NAT1: variants seen among roughly 807,000 people sequenced by gnomAD.
NAT1 encodes N-acetyltransferase 1, also known as arylamine N-acetyltransferase 1.
For missense variants in NAT1, 400 were observed against 339.2 expected, an observed-to-expected ratio of 1.18 and a Z score of -1.41; for synonymous variants, 144 against 122.6, an observed-to-expected ratio of 1.17 and a Z score of -1.16.
chr8:18,180,620 A>G (rs151010359), intron 2 of NAT1, among the ~76,000 whole-genome samples: 70 of 152,316 alleles, frequency 4.6e-4, no homozygotes, highest in African/African-American at 1.7e-3. Context: ...ATATTAAGAT[A>G]TGATATAGTA....
At chr8:18,190,934 G>A in intron 2 of NAT1, among the ~76,000 whole-genome samples, 1 of 151,870 alleles carries the variant, frequency 6.6e-6, no homozygotes, top group Non-Finnish European at 1.5e-5. Flanking sequence ...GGGTGTGGTG[G>A]CACATGCCTG....
intron 1 of NAT1, among the ~76,000 whole-genome samples, chr8:18,210,707 C>T (rs1014376011): frequency 1.3e-5 from 2 of 152,174 alleles, no homozygotes; most frequent in Admixed American, 6.5e-5. Context: ...GATAAAAAGC[C>T]CCTAATGATC....
chr8:18,179,983 A>G (rs1802447965), intron 2 of NAT1, among the ~76,000 whole-genome samples: 2 of 152,186 alleles, frequency 1.3e-5, no homozygotes, highest in African/African-American at 4.8e-5. Flanking sequence ...CAAATTACAG[A>G]CTAGGCAGAG....
chr8:18,221,903 T>G, intron 2 of NAT1, 139 bp from the exon 3 acceptor site: 2 of 917,406 alleles, frequency 2.2e-6, no homozygotes, highest in South Asian at 1.9e-5. Flanking sequence ...AAGGAATTCA[T>G]ACAATGAAAG....
chr8:18,210,301 G>A (rs939919889), intron 1 of NAT1, 121 bp downstream of exon 1: 6 of 152,284 alleles, frequency 3.9e-5, no homozygotes, highest in Middle Eastern at 3.4e-3. Flanking sequence ...CAGAAAGTGT[G>A]GCTGGCACAT....
intron 2 of NAT1, among the ~76,000 whole-genome samples, chr8:18,180,544 G>C (rs1235592261): frequency 6.6e-6 from 1 of 152,038 alleles, no homozygotes; most frequent in Non-Finnish European, 1.5e-5. Flanking sequence ...ATTTGGCTTT[G>C]ATACTAGAAT....
At chr8:18,221,996 G>A in intron 2 of NAT1, 46 bp from the exon 3 acceptor site, 1 of 1,552,408 alleles carries the variant, frequency 6.4e-7, no homozygotes, top group Non-Finnish European at 8.7e-7. Flanking sequence ...TCAAATCCAA[G>A]TGTAAAAGTA....
At chr8:18,213,532 C>T (rs1350069787) in intron 1 of NAT1, among the ~76,000 whole-genome samples, 1 of 152,080 alleles carries the variant, frequency 6.6e-6, no homozygotes, top group African/African-American at 2.4e-5. Context: ...TAACCTCTAA[C>T]TAGGGACTTT....
At chr8:18,205,495 A>G (rs1356169263), upstream of NAT1, among the ~76,000 whole-genome samples, 1 of 152,118 alleles carries the variant, frequency 6.6e-6, no homozygotes, top group Non-Finnish European at 1.5e-5. Context: ...AGAGTGGGGC[A>G]CTGGCGGGGG....
At chr8:18,204,221 A>G (rs1374347068) in intron 2 of NAT1, among the ~76,000 whole-genome samples, 2 of 151,484 alleles carry the variant, frequency 1.3e-5, no homozygotes, top group South Asian at 4.2e-4. Context: ...TTTTCTGTCT[A>G]TTAAACTTTC....
At chr8:18,205,832 G>T (rs191867249), upstream of NAT1, among the ~76,000 whole-genome samples, 49 of 152,274 alleles carry the variant, frequency 3.2e-4, no homozygotes, top group African/African-American at 1.1e-3. Flanking sequence ...CTCCCAGGGC[G>T]CTGCAAGCAG....
Position 18,222,888 on chromosome 8 carries a change from C to T in NAT1, c.841C>T (p.Pro281Ser). 6.4e-7 allele frequency: 1 copy of T among 1,572,646 alleles called. No individual in the cohort carries two copies. The highest frequency in any genetic ancestry group is 8.6e-7 in the Non-Finnish European group (1 of 1,165,790). Residue 281 changes from proline to serine, a missense_variant, in exon 3 of 3, where the codon CCC (proline) becomes TCC (serine). Transcript: ENST00000307719. The stretch of plus-strand genomic sequence containing the variant: ...TATTTCCTTGCAGAGAAAGCTTGTG[C>T]CCAAACATGGTGATAGATTTTTTAC... ...FNISLQRKLV[P>S]KHGDRFFTI
In NAT1 at chr8:18,172,163, A is replaced by G. The variant is rs931649869; in HGVS notation, n.92+1424A>G. 2.0e-5 allele frequency among the ~76,000 whole-genome samples: 3 copies of G among 152,304 alleles called. No individual in the cohort carries two copies. The East Asian group carries it at 5.8e-4, about 29-fold the overall frequency. On this transcript the variant is annotated intron_variant and non_coding_transcript_variant, in intron 2 of 4. Transcript: ENST00000517441. ...CTTGTGTTGATTTATAAGATTCTCC[A>G]TTAGCTAATCGGGAGTTAATGCTTT...
chr8:18,201,796 T>C (rs936099268), intron 2 of NAT1, among the ~76,000 whole-genome samples: 1 of 152,172 alleles, frequency 6.6e-6, no homozygotes, highest in Non-Finnish European at 1.5e-5. Context: ...GATTCTTGAT[T>C]TCGGGGTATC....
At chr8:18,200,906 T>C (rs1016912434) in intron 2 of NAT1, 1 of 152,102 alleles carries the variant, frequency 6.6e-6, no homozygotes, top group Non-Finnish European at 1.5e-5. Flanking sequence ...CCCTTCAGGG[T>C]AAATATAATT....
At chr8:18,191,248 A>G (rs2117257365) in intron 2 of NAT1, among the ~76,000 whole-genome samples, 2 of 152,292 alleles carry the variant, frequency 1.3e-5, no homozygotes, top group East Asian at 1.9e-4. Flanking sequence ...ACTGAATTGA[A>G]TATGTCTACA....
rs570043386 is a variant in NAT1, at chr8:18,192,881, C to T, written n.93-16900C>T. 2.7e-3 allele frequency among the ~76,000 whole-genome samples: 405 copies of T among 151,684 alleles called. 2 individuals carry two copies. Among genetic ancestry groups the T allele is most frequent in the Non-Finnish European group, 3.6e-3 (246 of 67,940 alleles). On this transcript the variant is annotated intron_variant and non_coding_transcript_variant, in intron 2 of 4. Transcript: ENST00000517441. ...GGGAGGGATAGCATTAGGAGATATA[C>T]CTAATGCTAAATGATGAGTTAATGG... is the stretch of plus-strand genomic sequence containing the variant.
At chr8:18,207,513 A>G (rs944206215), upstream of NAT1, among the ~76,000 whole-genome samples, 5 of 152,222 alleles carry the variant, frequency 3.3e-5, no homozygotes, top group African/African-American at 1.2e-4. Context: ...CTTCCTATCC[A>G]TGAGCTCACC....
At chr8:18,205,423 G>A (rs181105596), upstream of NAT1, among the ~76,000 whole-genome samples, 3 of 152,232 alleles carry the variant, frequency 2.0e-5, no homozygotes, top group Non-Finnish European at 2.9e-5. Context: ...GTGGTTGTTC[G>A]GGGCAGGTGA....
Sources: gnomAD v4.1 joint callset for allele counts (sites outside exome capture counted in the v4.1 genomes callset) on GRCh38, gnomAD v4.1.1 for gene constraint, MANE v1.5 for transcripts, NCBI Gene and HGNC (gene_info 2026-07-23, HGNC 2026-07-21) for gene names.